Variants in PDSS1 observed in about 807,000 individuals in gnomAD.
PDSS1 encodes decaprenyl diphosphate synthase subunit 1, also known as all trans-polyprenyl-diphosphate synthase PDSS1.
A neutral mutation model predicts 57.5 loss-of-function variants in PDSS1; 43 were observed. The ratio of observed to expected loss-of-function variants is 0.75; its 90% CI spans 0.59 to 0.96. The LOEUF is 0.96. Ranked by LOEUF, PDSS1 falls within the 50% of genes least tolerant of loss-of-function variation. The pLI, the probability that PDSS1 is intolerant of heterozygous loss-of-function variation, is 0.00. For missense variants in PDSS1, 438 were observed against 527.8 expected, an observed-to-expected ratio of 0.83 and a Z score of 1.67; for synonymous variants, 175 against 191.3, an observed-to-expected ratio of 0.91 and a Z score of 0.70.
intron 1 of PDSS1, 170 bp from the exon 2 acceptor site, chr10:26,701,992 G>T: frequency 2.5e-6 from 1 of 402,678 alleles, no homozygotes; most frequent in Non-Finnish European, 5.0e-6. Context: ...TGGAGTCAAA[G>T]ATCATTTTGG....
intron 8 of PDSS1, among the ~76,000 whole-genome samples, chr10:26,732,528 G>A (rs919088406): frequency 6.8e-6 from 1 of 147,476 alleles, no homozygotes; most frequent in Non-Finnish European, 1.5e-5. Context: ...CTGTGTTGAA[G>A]TGATGAAGAG....
At chr10:26,726,781 G>T (rs1311983474) in intron 8 of PDSS1, among the ~76,000 whole-genome samples, 5 of 152,080 alleles carry the variant, frequency 3.3e-5, no homozygotes, top group Non-Finnish European at 5.9e-5. Flanking sequence ...TCCATTTTAG[G>T]CCGGGCACGG....
intron 10 of PDSS1, among the ~76,000 whole-genome samples, chr10:26,736,861 A>C (rs1836423878): frequency 1.3e-5 from 2 of 152,222 alleles, no homozygotes; most frequent in South Asian, 4.1e-4. Context: ...AGTATAATAC[A>C]TGTGCCCAGT....
chr10:26,709,061 G>A (rs1403775504), intron 4 of PDSS1, among the ~76,000 whole-genome samples: 1 of 152,052 alleles, frequency 6.6e-6, no homozygotes, highest in Non-Finnish European at 1.5e-5. Flanking sequence ...CTGTCTCTTG[G>A]GGTCTTCTGG....
Position 26,746,407 on chromosome 10 carries a change from T to G in PDSS1, c.1182T>G (p.Leu394=). 6.2e-7 allele frequency: 1 copy of G among 1,614,090 alleles called. No individual in the cohort carries two copies. Among genetic ancestry groups the G allele is most frequent in the Non-Finnish European group, 8.5e-7 (1 of 1,179,930 alleles). The change falls in exon 12 of 12, where the codon CTT becomes CTG. Residue 394 remains leucine, a synonymous_variant. Coordinates refer to ENST00000376215, the MANE Select transcript of PDSS1 (RefSeq NM_014317.5). ...AAGCAATAAGAGAGATCAGTAAACT[T>G]CGACCATCCCCAGAAAGAGATGCCC... ...CHEAIREISK[L]RPSPERDALI...
intron 10 of PDSS1, 72 bp from the exon 11 acceptor site, chr10:26,742,425 T>C: frequency 1.9e-6 from 2 of 1,042,752 alleles, no homozygotes; most frequent in East Asian, 2.4e-5. Context: ...TGTTACAAAC[T>C]AGTGTTAGAA....
intron 4 of PDSS1, among the ~76,000 whole-genome samples, chr10:26,705,701 T>G (rs895111728): frequency 4.6e-5 from 7 of 152,166 alleles, no homozygotes; most frequent in Non-Finnish European, 8.8e-5. Flanking sequence ...CTTGAACTCC[T>G]GACCTCAGGT....
At chr10:26,708,124 G>T (rs1428520575) in intron 4 of PDSS1, among the ~76,000 whole-genome samples, 1 of 152,208 alleles carries the variant, frequency 6.6e-6, no homozygotes, top group Non-Finnish European at 1.5e-5. Flanking sequence ...TCTAGACCCT[G>T]AGCTCCTTGT....
At chr10:26,734,750 A>G (rs763179551) in intron 8 of PDSS1, 91 of 456,334 alleles carry the variant, frequency 2.0e-4, no homozygotes, top group Non-Finnish European at 3.7e-4. Flanking sequence ...TGATGAAAAG[A>G]AAGGACTACA....
chr10:26,714,482 A>AG (rs1212070584), intron 5 of PDSS1: 3 of 144,730 alleles, frequency 2.1e-5, no homozygotes, highest in Non-Finnish European at 4.6e-5. Context: ...AAAAAAAAAA[A>AG]GAAAAGAAAA....
chr10:26,707,808 G>T (rs1023048293), intron 4 of PDSS1, among the ~76,000 whole-genome samples: 1 of 152,222 alleles, frequency 6.6e-6, no homozygotes, highest in Non-Finnish European at 1.5e-5. Flanking sequence ...GGCCATGACG[G>T]TCTCAGGCTT....
Position 26,735,312 on chromosome 10 carries a change from G to A in PDSS1, c.904G>A (p.Ala302Thr). Reference protein sequence around the residue: ...AYQYGKNVGIAFQLIDDVLDF... With the variant: ...AYQYGKNVGITFQLIDDVLDF... The stretch of plus-strand genomic sequence containing the variant: ...TCAGTACGGAAAAAATGTAGGAATA[G>A]CTTTTCAGGTTAGTATGCTTTTTAT... Residue 302 changes from alanine to threonine, a missense_variant, in exon 9 of 12, where the codon GCT becomes ACT. Physicochemically the swap from Ala to Thr is moderately conservative, Grantham distance 58. Transcript: ENST00000376215. 2.5e-6 allele frequency: 4 copies of A among 1,607,998 alleles called. No homozygotes were observed. Among genetic ancestry groups the A allele is most frequent in the Non-Finnish European group, 3.4e-6 (4 of 1,174,394 alleles).
intron 11 of PDSS1, among the ~76,000 whole-genome samples, 192 bp from the exon 12 acceptor site, chr10:26,746,139 AAT>A (rs1472650066): frequency 6.6e-6 from 1 of 152,218 alleles, no homozygotes; most frequent in Non-Finnish European, 1.5e-5. Flanking sequence ...AATTTGCTTC[AAT>A]ATGAGAAAAA....
In PDSS1 at chr10:26,720,199, A is replaced by G. The variant is rs1044251533; in HGVS notation, c.468-19A>G. 1.1e-5 allele frequency: 17 copies of G among 1,612,256 alleles called. No individual in the cohort carries two copies. The highest frequency in any genetic ancestry group is 1.2e-5 in the Non-Finnish European group (14 of 1,179,982). On this transcript the variant is annotated intron_variant, in intron 5 of 11. Transcript: ENST00000376215. ...TTCTAGGCGGCGTCTGTTAAAAAGC[A>G]TTGCTTTCTGTTAATTAGACATGTG...
chr10:26,699,979 A>G (rs1266047001), intron 1 of PDSS1, among the ~76,000 whole-genome samples: 2 of 152,180 alleles, frequency 1.3e-5, no homozygotes, highest in African/African-American at 4.8e-5. Context: ...ACAGAACTAC[A>G]ATAACTAAGC....
intron 8 of PDSS1, 117 bp downstream of exon 8, chr10:26,724,240 G>A (rs1455263466): frequency 2.7e-6 from 2 of 749,044 alleles, no homozygotes; most frequent in East Asian, 2.7e-5. Context: ...ATCCCAAGAG[G>A]TTAATGAGGA....
At chr10:26,715,706 C>CT in intron 5 of PDSS1, 1 of 152,284 alleles carries the variant, frequency 6.6e-6, no homozygotes, top group Admixed American at 6.6e-5. Flanking sequence ...CACTCCTACA[C>CT]TTTCCTTACC....
At chr10:26,714,578 A>C (rs538803068) in intron 5 of PDSS1, 1 of 152,318 alleles carries the variant, frequency 6.6e-6, no homozygotes, top group South Asian at 2.1e-4. Context: ...CAGACAAGCC[A>C]AACCTACCTA....
chr10:26,700,195 G>A (rs371662420), intron 1 of PDSS1, among the ~76,000 whole-genome samples: 1 of 151,426 alleles, frequency 6.6e-6, no homozygotes, highest in Non-Finnish European at 1.5e-5. Flanking sequence ...TTTTAGAGAC[G>A]GGGACTTTTT....
Sources: allele counts gnomAD v4.1 joint callset (sites outside exome capture counted in the v4.1 genomes callset), GRCh38; gene constraint gnomAD v4.1.1; transcripts MANE v1.5; gene names NCBI Gene and HGNC (gene_info 2026-07-23, HGNC 2026-07-21).